Variants in BNC2 observed in about 807,000 individuals in gnomAD.
BNC2 encodes basonuclin zinc finger protein 2.
Under a neutral mutation model 76.3 loss-of-function variants are expected in BNC2, and 20 were observed. The ratio of observed to expected loss-of-function variants is 0.26; its 90% CI spans 0.18 to 0.38. BNC2 has a LOEUF of 0.38. BNC2 is among the 10% of genes least tolerant of loss of function. The pLI is 1.00. For missense variants in BNC2, 1,382 were observed against 1,399.8 expected (o/e 0.99, Z 0.20); for synonymous variants, 582 against 514.8 (o/e 1.13, Z -1.77).
chr9:16,469,779 C>T (rs1452819725), intron 5 of BNC2, among the ~76,000 whole-genome samples: 1 of 152,088 alleles, frequency 6.6e-6, no homozygotes, highest in Non-Finnish European at 1.5e-5. Flanking sequence ...CAATAAAATT[C>T]AGATGACGTG....
chr9:16,811,571 A>AAC (rs1282708273), intron 1 of BNC2, among the ~76,000 whole-genome samples: 2 of 151,644 alleles, frequency 1.3e-5, no homozygotes, highest in Non-Finnish European at 2.9e-5. Context: ...AAAAAAAAAA[A>AAC]AAAACAGTGT....
At chr9:16,752,807 G>C (rs1825261339) in intron 1 of BNC2, among the ~76,000 whole-genome samples, 1 of 152,156 alleles carries the variant, frequency 6.6e-6, no homozygotes, top group Non-Finnish European at 1.5e-5. Flanking sequence ...AGCTGGCACA[G>C]CCAATGCTAA....
intron 5 of BNC2, among the ~76,000 whole-genome samples, chr9:16,474,432 G>C (rs1168003096): frequency 2.6e-5 from 4 of 152,292 alleles, no homozygotes; most frequent in South Asian, 4.1e-4. Flanking sequence ...TATTTACTTA[G>C]ATGGCTGAGG....
At chr9:16,771,451 T>C (rs957388849) in intron 1 of BNC2, among the ~76,000 whole-genome samples, 1 of 152,258 alleles carries the variant, frequency 6.6e-6, no homozygotes, top group South Asian at 2.1e-4. Context: ...CATTAAATAC[T>C]GCTATATGGC....
intron 6 of BNC2, among the ~76,000 whole-genome samples, chr9:16,425,903 T>C (rs1407243423): frequency 6.6e-6 from 1 of 152,236 alleles, no homozygotes; most frequent in African/African-American, 2.4e-5. Context: ...AAGTGTAGAA[T>C]TGATATCCAG....
intron 3 of BNC2, among the ~76,000 whole-genome samples, chr9:16,640,986 A>T (rs1277047642): frequency 6.6e-6 from 1 of 152,232 alleles, no homozygotes; most frequent in Non-Finnish European, 1.5e-5. Flanking sequence ...CACTGTGAGC[A>T]TTTACAGATG....
At chr9:16,807,090 C>A (rs1817934729) in intron 1 of BNC2, among the ~76,000 whole-genome samples, 1 of 152,142 alleles carries the variant, frequency 6.6e-6, no homozygotes, top group East Asian at 1.9e-4. Context: ...CTATGACTAA[C>A]AATTTCCATT....
At chr9:16,811,230 C>CAAAAAAAAAAAAAAAAAAAA (rs58068661) in intron 1 of BNC2, among the ~76,000 whole-genome samples, 8 of 97,526 alleles carry the variant, frequency 8.2e-5, no homozygotes, top group African/African-American at 1.5e-4. Flanking sequence ...CTCAAAAGAC[C>CAAAAAAAAAAAAAAAAAAAA]AAAAAAAAAA....
chr9:16,483,546 T>A (rs748793369), intron 5 of BNC2, among the ~76,000 whole-genome samples: 2 of 152,170 alleles, frequency 1.3e-5, no homozygotes, highest in Non-Finnish European at 2.9e-5. Context: ...GTATACACAG[T>A]ATATGCCATG....
intron 5 of BNC2, among the ~76,000 whole-genome samples, chr9:16,438,491 G>C (rs1563784024): frequency 6.6e-6 from 1 of 152,072 alleles, no homozygotes; most frequent in Non-Finnish European, 1.5e-5. Flanking sequence ...TATGAGATTT[G>C]CCTGGAGGTA....
At chr9:16,813,972 A>C (rs1179529476) in intron 1 of BNC2, among the ~76,000 whole-genome samples, 1 of 152,208 alleles carries the variant, frequency 6.6e-6, no homozygotes, top group Non-Finnish European at 1.5e-5. Context: ...CTGAGACTCC[A>C]TAACCTCCCC....
intron 4 of BNC2, among the ~76,000 whole-genome samples, chr9:16,564,251 T>C (rs1271680157): frequency 1.3e-5 from 2 of 152,204 alleles, no homozygotes; most frequent in Non-Finnish European, 2.9e-5. Flanking sequence ...CATATGAGAA[T>C]GTTAGGGTAG....
At chr9:16,776,488 C>T (rs1018501188) in intron 1 of BNC2, among the ~76,000 whole-genome samples, 3 of 152,232 alleles carry the variant, frequency 2.0e-5, no homozygotes, top group Middle Eastern at 3.4e-3. Context: ...ATGGCTAGTA[C>T]TCCTTAAGGA....
intron 5 of BNC2, among the ~76,000 whole-genome samples, chr9:16,460,965 T>C (rs1001766675): frequency 2.6e-5 from 4 of 151,960 alleles, no homozygotes; most frequent in African/African-American, 4.8e-5. Context: ...GAAATATGAC[T>C]GTACAACTTG....
intron 5 of BNC2, among the ~76,000 whole-genome samples, chr9:16,469,220 T>G (rs1172483917): frequency 6.6e-6 from 1 of 152,182 alleles, no homozygotes; most frequent in Non-Finnish European, 1.5e-5. Flanking sequence ...ACAGTACTAA[T>G]GATTTGATAT....
chr9:16,503,334 T>G (rs1180456659), intron 5 of BNC2, among the ~76,000 whole-genome samples: 1 of 152,156 alleles, frequency 6.6e-6, no homozygotes, highest in Non-Finnish European at 1.5e-5. Flanking sequence ...CTCCAAACAC[T>G]ATACCACGGA....
chr9:16,524,061 T>C (rs1224325221), intron 5 of BNC2, among the ~76,000 whole-genome samples: 1 of 152,232 alleles, frequency 6.6e-6, no homozygotes, highest in Non-Finnish European at 1.5e-5. Context: ...AATAAGCTGC[T>C]TCTTCAATCT....
intron 1 of BNC2, among the ~76,000 whole-genome samples, chr9:16,797,045 G>A (rs1182515780): frequency 1.3e-5 from 2 of 152,064 alleles, no homozygotes; most frequent in Non-Finnish European, 2.9e-5. Context: ...GTAATAAAGT[G>A]CAACAGGAAT....
chr9:16,519,740 T>C (rs953666004), intron 5 of BNC2, among the ~76,000 whole-genome samples: 1 of 152,240 alleles, frequency 6.6e-6, no homozygotes, highest in Admixed American at 6.5e-5. Flanking sequence ...GACATTATCA[T>C]TTCTATTTCA....
Sources: gnomAD v4.1 joint callset for allele counts (sites outside exome capture counted in the v4.1 genomes callset) on GRCh38, gnomAD v4.1.1 for gene constraint, MANE v1.5 for transcripts, NCBI Gene and HGNC (gene_info 2026-07-23, HGNC 2026-07-21) for gene names.